ZNF385D: variants seen among roughly 807,000 people sequenced by gnomAD.
The protein encoded by ZNF385D is zinc finger protein 659.
ZNF385D carries 15 observed loss-of-function variants against 35.8 expected under a neutral mutation model. That is an observed-to-expected ratio of 0.42 (90% CI 0.28 to 0.64). The LOEUF (loss-of-function observed/expected upper bound fraction) is 0.64, where lower values mean the gene tolerates loss of function less well. Among genes scored for constraint, ZNF385D ranks in the 30% least tolerant of loss-of-function variants. The probability of loss-of-function intolerance (pLI) is 0.23; values close to 1 mark genes in which losing one functional copy is unlikely to be tolerated. For missense variants in ZNF385D, 474 were observed against 494.6 expected (o/e 0.96, Z 0.39); for synonymous variants, 212 against 186.8 (o/e 1.13, Z -1.10).
chr3:22,194,677 T>C (rs1463562924), intron 2 of ZNF385D, among the ~76,000 whole-genome samples: 1 of 151,952 alleles, frequency 6.6e-6, no homozygotes, highest in Non-Finnish European at 1.5e-5. Flanking sequence ...ATACCCTTTT[T>C]ACACCTGGCA....
At chr3:21,760,340 A>T (rs2070546569) in intron 3 of ZNF385D, among the ~76,000 whole-genome samples, 1 of 152,198 alleles carries the variant, frequency 6.6e-6, no homozygotes, top group South Asian at 2.1e-4. Flanking sequence ...TCTTGCTGTC[A>T]CTTCCATGAT....
intron 3 of ZNF385D, among the ~76,000 whole-genome samples, chr3:22,096,135 T>C (rs1476030057): frequency 1.3e-5 from 2 of 151,668 alleles, no homozygotes; most frequent in Non-Finnish European, 2.9e-5. Flanking sequence ...AAAATATATA[T>C]ACATGTTTAA....
chr3:21,802,202 T>C (rs2072437259), intron 3 of ZNF385D, among the ~76,000 whole-genome samples: 1 of 152,184 alleles, frequency 6.6e-6, no homozygotes, highest in Middle Eastern at 3.2e-3. Context: ...ATTCCAATAT[T>C]ATCTAAGATC....
intron 2 of ZNF385D, among the ~76,000 whole-genome samples, chr3:22,230,779 C>T (rs544513954): frequency 6.6e-6 from 1 of 152,120 alleles, no homozygotes; most frequent in Admixed American, 6.6e-5. Context: ...GTTAAGCTGA[C>T]CATGTTCTTT....
At chr3:21,920,356 T>C (rs1386452417) in intron 3 of ZNF385D, among the ~76,000 whole-genome samples, 1 of 152,234 alleles carries the variant, frequency 6.6e-6, no homozygotes, top group African/African-American at 2.4e-5. Flanking sequence ...AATTGCTTGC[T>C]GTAACTCCAG....
At chr3:21,611,280 A>G (rs1011146495) in intron 2 of ZNF385D, among the ~76,000 whole-genome samples, 2 of 152,212 alleles carry the variant, frequency 1.3e-5, no homozygotes, top group Admixed American at 1.3e-4. Flanking sequence ...AGAGATATGT[A>G]TTATCATTTC....
chr3:22,308,368 CTTAATTA>C (rs551146995), intron 2 of ZNF385D, among the ~76,000 whole-genome samples: 4 of 151,862 alleles, frequency 2.6e-5, no homozygotes, highest in Non-Finnish European at 5.9e-5. Context: ...ACCTTTCCAG[CTTAATTA>C]TTATTTAAAG....
intron 3 of ZNF385D, among the ~76,000 whole-genome samples, chr3:22,137,936 A>C (rs1704254924): frequency 1.3e-5 from 2 of 152,192 alleles, no homozygotes; most frequent in African/African-American, 2.4e-5. Context: ...GTCTCAGCCC[A>C]AAATCTCCTT....
intron 1 of ZNF385D, among the ~76,000 whole-genome samples, chr3:21,730,953 C>A (rs1289728152): frequency 6.6e-6 from 1 of 152,084 alleles, no homozygotes; most frequent in East Asian, 1.9e-4. Context: ...TTTGTTGTTT[C>A]CAGTTTGTGC....
chr3:21,442,144 G>T (rs1701892833), intron 4 of ZNF385D, among the ~76,000 whole-genome samples: 1 of 152,090 alleles, frequency 6.6e-6, no homozygotes, highest in Admixed American at 6.6e-5. Flanking sequence ...CATAAGAAAG[G>T]ATTCCAAAAA....
chr3:21,686,467 G>C (rs2067108264), intron 1 of ZNF385D, among the ~76,000 whole-genome samples: 1 of 152,166 alleles, frequency 6.6e-6, no homozygotes, highest in Non-Finnish European at 1.5e-5. Flanking sequence ...GTGAGCCATA[G>C]AAATGAGTCA....
chr3:22,057,151 C>A (rs1576236224), intron 3 of ZNF385D, among the ~76,000 whole-genome samples: 2 of 152,194 alleles, frequency 1.3e-5, no homozygotes, highest in Non-Finnish European at 2.9e-5. Context: ...GCTTTAGAAA[C>A]CCATACACCT....
chr3:22,104,649 C>T (rs1331754255), intron 3 of ZNF385D, among the ~76,000 whole-genome samples: 9 of 151,900 alleles, frequency 5.9e-5, no homozygotes, highest in East Asian at 2.0e-4. Context: ...AACAGTGGCA[C>T]GAAAATGAGT....
intron 1 of ZNF385D, among the ~76,000 whole-genome samples, chr3:21,665,518 C>T (rs546894380): frequency 1.3e-4 from 20 of 152,280 alleles, no homozygotes; most frequent in Non-Finnish European, 1.5e-5. Flanking sequence ...AGAAATTTAA[C>T]CTCGAACTCA....
At chr3:21,537,882 A>G (rs1255839763) in intron 3 of ZNF385D, among the ~76,000 whole-genome samples, 1 of 152,166 alleles carries the variant, frequency 6.6e-6, no homozygotes, top group Non-Finnish European at 1.5e-5. Context: ...TATTTTTAAA[A>G]TGATGAACAC....
intron 5 of ZNF385D, among the ~76,000 whole-genome samples, chr3:21,429,460 G>T (rs1701190497): frequency 6.6e-6 from 1 of 152,008 alleles, no homozygotes; most frequent in Non-Finnish European, 1.5e-5. Flanking sequence ...TCTAATATTA[G>T]ACATTTGTAT....
intron 2 of ZNF385D, among the ~76,000 whole-genome samples, chr3:22,174,532 T>C (rs2125768131): frequency 6.6e-6 from 1 of 152,276 alleles, no homozygotes; most frequent in Admixed American, 6.5e-5. Context: ...TCCCACTGTG[T>C]AATTTTTTTA....
chr3:21,607,074 C>A (rs915149207), intron 2 of ZNF385D, among the ~76,000 whole-genome samples: 1 of 152,156 alleles, frequency 6.6e-6, no homozygotes, highest in Admixed American at 6.5e-5. Flanking sequence ...ATTTATTTAA[C>A]ACTAATCATA....
intron 3 of ZNF385D, among the ~76,000 whole-genome samples, chr3:22,168,172 T>C (rs1337143292): frequency 1.3e-5 from 2 of 152,158 alleles, no homozygotes; most frequent in Non-Finnish European, 2.9e-5. Context: ...CTCTCTAAAG[T>C]CTCCTCTGTA....
Sources: gnomAD v4.1 joint callset for allele counts (sites outside exome capture counted in the v4.1 genomes callset) on GRCh38, gnomAD v4.1.1 for gene constraint, MANE v1.5 for transcripts, NCBI Gene and HGNC (gene_info 2026-07-23, HGNC 2026-07-21) for gene names.